The following ZFP62 variants were observed in gnomAD, a reference collection of about 807,000 sequenced individuals.
ZFP62 encodes the protein zinc finger protein 62 homolog.
In ZFP62, 44 loss-of-function variants were observed where a neutral mutation model predicts 56.4. That is an observed-to-expected ratio of 0.78 (90% CI 0.61 to 1.00). The LOEUF (loss-of-function observed/expected upper bound fraction) is 1.00. ZFP62 is among the 50% of genes least tolerant of loss of function. The pLI, the probability that ZFP62 is intolerant of heterozygous loss-of-function variation, is 0.00. For synonymous variants in ZFP62, 421 were observed against 388.9 expected (o/e 1.08, Z -0.97); for missense variants, 1,030 against 1,085.7 (o/e 0.95, Z 0.72).
chr5:180,828,191 C>T, the ZFP62 span, among the ~76,000 whole-genome samples: 4 of 152,154 alleles, frequency 2.6e-5, no homozygotes, highest in South Asian at 2.1e-4. Context: ...TTCCACCTAA[C>T]GAGAAACACC....
downstream of ZFP62, among the ~76,000 whole-genome samples, chr5:180,846,185 C>T (rs1396455506): frequency 6.6e-6 from 1 of 152,186 alleles, no homozygotes; most frequent in African/African-American, 2.4e-5. Context: ...TTGTATCTGG[C>T]TGTAGGTACA....
chr5:180,853,365 CGTAT>C (rs1773813073), intron 1 of ZFP62, among the ~76,000 whole-genome samples: 2 of 152,038 alleles, frequency 1.3e-5, no homozygotes, highest in South Asian at 4.2e-4. Context: ...AAAACAAGCA[CGTAT>C]GTGTTTCTCT....
chr5:180,837,508 C>A, the ZFP62 span, among the ~76,000 whole-genome samples: 31,887 of 152,066 alleles, frequency 0.21, 4,693 homozygotes, highest in African/African-American at 0.42. Flanking sequence ...AGCCAGGTAC[C>A]AAGCAGCTGT....
chr5:180,837,256 G>A, the ZFP62 span, among the ~76,000 whole-genome samples: 7 of 152,206 alleles, frequency 4.6e-5, no homozygotes, highest in African/African-American at 7.2e-5. Context: ...CTCTACCTGC[G>A]TCCTCCCCAT....
chr5:180,838,301 G>A, the ZFP62 span, among the ~76,000 whole-genome samples: 1 of 152,074 alleles, frequency 6.6e-6, no homozygotes. Flanking sequence ...AGGTGAAGAG[G>A]GGACCATGCA....
chr5:180,838,195 A>G, the ZFP62 span, among the ~76,000 whole-genome samples: 7 of 152,124 alleles, frequency 4.6e-5, no homozygotes, highest in Admixed American at 4.6e-4. Flanking sequence ...CATTGTCCTG[A>G]AGCTAGGTGT....
Position 180,850,279 on chromosome 5 carries a change from A to G in ZFP62, c.1216T>C (p.Ser406Pro). ...ATGCTTTTATGGACTGCGAGGCCTGAGCTATAGCTGAATGCTTTGCCACAG... is the reference window on the plus strand; with the variant it reads ...ATGCTTTTATGGACTGCGAGGCCTGGGCTATAGCTGAATGCTTTGCCACAG... The part of the protein sequence containing the change: ...DVCGKAFSYS[S>P]GLAVHKSIHP... Residue 406 changes from serine (S) to proline (P), a missense_variant, in exon 2 of 2, where the codon TCA becomes CCA. By Grantham distance (74) the Ser-to-Pro change is moderately conservative. Transcript: ENST00000502412. The G allele has an allele frequency of 6.4e-7, 1 of 1,557,974 alleles. No individual in the cohort carries two copies.
intron 1 of ZFP62, among the ~76,000 whole-genome samples, chr5:180,856,466 G>A (rs892824084): frequency 6.6e-6 from 1 of 152,122 alleles, no homozygotes; most frequent in Non-Finnish European, 1.5e-5. Flanking sequence ...AAACAATACT[G>A]GAGATGCATT....
chr5:180,852,516 T>C (rs1214299774), intron 1 of ZFP62, among the ~76,000 whole-genome samples: 1 of 145,242 alleles, frequency 6.9e-6, no homozygotes, highest in Non-Finnish European at 1.5e-5. Flanking sequence ...ATCGTTCCAC[T>C]GCACTCCAGC....
At chr5:180,840,623 G>C in the ZFP62 span, among the ~76,000 whole-genome samples, 1 of 152,084 alleles carries the variant, frequency 6.6e-6, no homozygotes, top group Non-Finnish European at 1.5e-5. Flanking sequence ...CGGGCATGTG[G>C]TGGGCGCCTG....
chr5:180,831,681 A>T, the ZFP62 span: 3 of 152,436 alleles, frequency 2.0e-5, no homozygotes, highest in Non-Finnish European at 4.4e-5. Context: ...GGGTACCCGG[A>T]CCTGCCCAAC....
intron 1 of ZFP62, among the ~76,000 whole-genome samples, chr5:180,859,767 T>C (rs1323250743): frequency 6.6e-6 from 1 of 152,248 alleles, no homozygotes; most frequent in Non-Finnish European, 1.5e-5. Context: ...ACTACTTACG[T>C]CTTATTTGTT....
chr5:180,840,079 A>C, the ZFP62 span, among the ~76,000 whole-genome samples: 1,553 of 152,284 alleles, frequency 0.01, 17 homozygotes, highest in South Asian at 0.054. Flanking sequence ...CGAGCTGAGG[A>C]TCCCCAGGTG....
intron 1 of ZFP62, among the ~76,000 whole-genome samples, chr5:180,856,258 G>A (rs1246461282): frequency 1.3e-5 from 2 of 152,158 alleles, no homozygotes; most frequent in African/African-American, 4.8e-5. Context: ...CTCTTCTTGA[G>A]TGAAATCAAA....
At chr5:180,857,435 A>G (rs1003542050) in intron 1 of ZFP62, among the ~76,000 whole-genome samples, 1 of 152,224 alleles carries the variant, frequency 6.6e-6, no homozygotes, top group Non-Finnish European at 1.5e-5. Context: ...GATAATATCA[A>G]GGAATCAGAG....
At chr5:180,838,443 T>C in the ZFP62 span, among the ~76,000 whole-genome samples, 1 of 152,190 alleles carries the variant, frequency 6.6e-6, no homozygotes, top group Non-Finnish European at 1.5e-5. Context: ...AATGCACAAT[T>C]CTAAACTGAA....
In ZFP62 at chr5:180,850,030, G is replaced by C; in HGVS notation, c.1465C>G (p.Arg489Gly). The C allele has an allele frequency of 6.4e-7, 1 of 1,551,638 alleles. No individual in the cohort carries two copies. Among genetic ancestry groups the C allele is most frequent in the African/African-American group, 1.4e-5 (1 of 73,096 alleles). ...CCTTTGTGATTTTTAAGGCTAGAGC[G>C]TGAGATATAGGCTTTCCCACACACA... is the stretch of plus-strand genomic sequence containing the variant. Reference protein sequence around the residue: ...CDVCGKAYISRSSLKNHKGIH... With the variant: ...CDVCGKAYISGSSLKNHKGIH... The change falls in exon 2 of 2, where the codon CGC becomes GGC. Residue 489 changes from arginine to glycine, a missense_variant. By Grantham distance (125) the Arg-to-Gly change is moderately radical. Transcript: ENST00000502412.
At chr5:180,837,208 G>A in the ZFP62 span, among the ~76,000 whole-genome samples, 2 of 152,326 alleles carry the variant, frequency 1.3e-5, no homozygotes, top group East Asian at 3.9e-4. Flanking sequence ...CGAGACCACC[G>A]TGTGGCCCAT....
rs888122756 is a variant in ZFP62, at chr5:180,848,290, C to T, written c.*502G>A. On this transcript the variant is annotated 3_prime_UTR_variant, in exon 2 of 2. Coordinates refer to ENST00000502412, the MANE Select transcript of ZFP62 (RefSeq NM_001172638.2). Reference sequence around the variant, plus strand: ...TTACATCAAGTTTATACTTAAAGACCACTAATATTAAATAAATTTATATTC... The same window carrying T: ...TTACATCAAGTTTATACTTAAAGACTACTAATATTAAATAAATTTATATTC... 2.0e-6 allele frequency: 2 copies of T among 985,390 alleles called. No individual in the cohort carries two copies. Among genetic ancestry groups the T allele is most frequent in the Non-Finnish European group, 1.2e-6 (1 of 830,024 alleles). 61.0% of individuals were successfully genotyped at this position (985,390 alleles called of 1,614,324 possible). A position where few individuals can be genotyped will look rare whatever the true frequency, so the allele number is the denominator to read the frequency against.
Sources: gnomAD v4.1 joint callset for allele counts (sites outside exome capture counted in the v4.1 genomes callset) on GRCh38, gnomAD v4.1.1 for gene constraint, MANE v1.5 for transcripts, NCBI Gene and HGNC (gene_info 2026-07-23, HGNC 2026-07-21) for gene names.